Variants in C12orf54 observed in about 807,000 individuals in gnomAD.
C12orf54 encodes uncharacterized protein C12orf54.
Under a neutral mutation model 26.4 loss-of-function variants are expected in C12orf54, and 24 were observed. The ratio of observed to expected loss-of-function variants is 0.91; its 90% CI spans 0.66 to 1.28. The LOEUF is 1.28. Among genes scored for constraint, C12orf54 ranks in the 50% most tolerant of loss-of-function variants. C12orf54 has a pLI of 0.00. For synonymous variants in C12orf54, 54 were observed against 47.0 expected, an observed-to-expected ratio of 1.15 and a Z score of -0.61; for missense variants, 154 against 150.9, an observed-to-expected ratio of 1.02 and a Z score of -0.11.
At chr12:48,423,280 A>G in the C12orf54 span, among the ~76,000 whole-genome samples, 1 of 152,282 alleles carries the variant, frequency 6.6e-6, no homozygotes, top group East Asian at 1.9e-4. Flanking sequence ...ATATAAAATT[A>G]AAATTTTGAA....
At chr12:48,421,334 C>T in the C12orf54 span, among the ~76,000 whole-genome samples, 1 of 57,522 alleles carries the variant, frequency 1.7e-5, no homozygotes, top group Non-Finnish European at 4.3e-5. Flanking sequence ...AGGTGCCACA[C>T]ATTTTTCAAC....
At chr12:48,470,288 TG>T in the C12orf54 span, among the ~76,000 whole-genome samples, 4 of 152,352 alleles carry the variant, frequency 2.6e-5, no homozygotes, top group African/African-American at 9.6e-5. Flanking sequence ...CCACAGTGGC[TG>T]AACTAATTTA....
the C12orf54 span, among the ~76,000 whole-genome samples, chr12:48,436,575 C>G: frequency 6.6e-6 from 1 of 152,176 alleles, no homozygotes; most frequent in Non-Finnish European, 1.5e-5. Flanking sequence ...ACAGTGCAAT[C>G]AAACTAGAAC....
At chr12:48,422,394 A>G in the C12orf54 span, among the ~76,000 whole-genome samples, 5 of 152,254 alleles carry the variant, frequency 3.3e-5, no homozygotes, top group Admixed American at 6.5e-5. Context: ...CAGGATTTAT[A>G]TGAGCAAAAT....
chr12:48,474,515 C>T, the C12orf54 span, among the ~76,000 whole-genome samples: 1 of 152,186 alleles, frequency 6.6e-6, no homozygotes, highest in Non-Finnish European at 1.5e-5. Context: ...TGACAGATGG[C>T]ACCTGGAAAA....
At chr12:48,422,673 C>T in the C12orf54 span, among the ~76,000 whole-genome samples, 1 of 152,024 alleles carries the variant, frequency 6.6e-6, no homozygotes, top group Non-Finnish European at 1.5e-5. Context: ...ATTAATATTT[C>T]TTTGAATGAT....
At chr12:48,436,478 AC>A in the C12orf54 span, among the ~76,000 whole-genome samples, 2 of 152,112 alleles carry the variant, frequency 1.3e-5, no homozygotes, top group East Asian at 3.8e-4. Context: ...ACCACACCAC[AC>A]CTATTCCAAA....
At chr12:48,432,166 A>C in the C12orf54 span, among the ~76,000 whole-genome samples, 1 of 152,258 alleles carries the variant, frequency 6.6e-6, no homozygotes, top group African/African-American at 2.4e-5. Context: ...ACATGCACTG[A>C]TACAATTTGT....
At chr12:48,466,704 C>T in the C12orf54 span, among the ~76,000 whole-genome samples, 1 of 152,028 alleles carries the variant, frequency 6.6e-6, no homozygotes, top group African/African-American at 2.4e-5. Context: ...AAATATAGAG[C>T]AACTTGAAAT....
chr12:48,419,046 G>A, the C12orf54 span, among the ~76,000 whole-genome samples: 1 of 152,148 alleles, frequency 6.6e-6, no homozygotes. Flanking sequence ...GGCATCCATA[G>A]AAGTGGGATG....
At chr12:48,481,633 T>C (rs879806827), upstream of C12orf54, among the ~76,000 whole-genome samples, 5 of 152,178 alleles carry the variant, frequency 3.3e-5, no homozygotes, top group Admixed American at 1.3e-4. Flanking sequence ...GTACATACCC[T>C]GGCATTTTGT....
the C12orf54 span, among the ~76,000 whole-genome samples, chr12:48,462,893 C>A: frequency 6.6e-6 from 1 of 151,716 alleles, no homozygotes; most frequent in African/African-American, 2.4e-5. Flanking sequence ...AGATTCTAAC[C>A]AGTACAATTA....
At chr12:48,436,374 T>C in the C12orf54 span, among the ~76,000 whole-genome samples, 7 of 152,060 alleles carry the variant, frequency 4.6e-5, no homozygotes, top group African/African-American at 1.7e-4. Context: ...AACAAGGATA[T>C]CCAGGTATTG....
chr12:48,414,147 T>C, the C12orf54 span, among the ~76,000 whole-genome samples: 1 of 152,266 alleles, frequency 6.6e-6, no homozygotes, highest in South Asian at 2.1e-4. Context: ...CTTTTGTGAA[T>C]TTGGCAGGCG....
the C12orf54 span, among the ~76,000 whole-genome samples, chr12:48,455,363 T>C: frequency 6.6e-6 from 1 of 152,316 alleles, no homozygotes; most frequent in South Asian, 2.1e-4. Context: ...GGCATCTAGG[T>C]TGATTCCATG....
In C12orf54 at chr12:48,490,320, G is replaced by T. The variant is rs557277132; in HGVS notation, c.169-492G>T. On this transcript the variant is annotated intron_variant, in intron 5 of 8. Coordinates refer to ENST00000548364, the MANE Select transcript of C12orf54 (RefSeq NM_152319.4). ...TTATCTTAAGTGGTTTGGTGTGAGA[G>T]ATACAAAAACAATACAAACTGTGCT... Among the ~76,000 whole-genome samples, 11 of 152,290 alleles carry T rather than the reference G, an allele frequency of 7.2e-5. No individual in the cohort carries two copies. The South Asian group carries it at 2.3e-3, about 32-fold the overall frequency.
intron 3 of C12orf54, 127 bp from the exon 4 acceptor site, chr12:48,486,561 G>C: frequency 2.1e-6 from 2 of 947,702 alleles, no homozygotes. Flanking sequence ...CCTGAGAAAT[G>C]GGGTGATTTT....
chr12:48,426,280 T>A, the C12orf54 span, among the ~76,000 whole-genome samples: 47 of 151,984 alleles, frequency 3.1e-4, no homozygotes, highest in Non-Finnish European at 6.0e-4. Context: ...AAGAAAGGGG[T>A]CCAGTTTCAA....
chr12:48,433,767 A>C, the C12orf54 span, among the ~76,000 whole-genome samples: 1 of 152,168 alleles, frequency 6.6e-6, no homozygotes, highest in Admixed American at 6.5e-5. Context: ...TTTTAAAAAT[A>C]TTCTTTGCCA....
Sources: allele counts gnomAD v4.1 joint callset (sites outside exome capture counted in the v4.1 genomes callset), GRCh38; gene constraint gnomAD v4.1.1; transcripts MANE v1.5; gene names NCBI Gene and HGNC (gene_info 2026-07-23, HGNC 2026-07-21).